Variants in RMST observed in about 807,000 individuals in gnomAD.
RMST encodes the protein rhabdomyosarcoma 2 associated transcript.
chr12:97,536,996 C>A (rs904455689), intron 11 of RMST, among the ~76,000 whole-genome samples: 3 of 151,224 alleles, frequency 2.0e-5, no homozygotes, highest in Non-Finnish European at 3.0e-5. Context: ...GGAAAAACAA[C>A]TTAGAGTCTT....
Position 97,525,854 on chromosome 12 carries a change from G to C in RMST, n.1341-4801G>C, listed in dbSNP as rs530158929. 5.9e-5 allele frequency among the ~76,000 whole-genome samples: 9 copies of C among 152,288 alleles called. 1 individual carries two copies. The South Asian group carries it at 1.9e-3, about 32-fold the overall frequency. ...GAAGCTTCATCTGTATTTACAGCCAGTCAAAATCACTTGCATTACAACCTG... is the reference window on the plus strand; with the variant it reads ...GAAGCTTCATCTGTATTTACAGCCACTCAAAATCACTTGCATTACAACCTG... On this transcript the variant is annotated intron_variant and non_coding_transcript_variant, in intron 10 of 13. Transcript: ENST00000640149.
intron 11 of RMST, among the ~76,000 whole-genome samples, chr12:97,556,833 T>G (rs995595349): frequency 2.6e-5 from 4 of 152,210 alleles, no homozygotes; most frequent in Non-Finnish European, 5.9e-5. Context: ...ATAAGATACT[T>G]GACTTTATAA....
chr12:97,514,184 C>G (rs1386830279), intron 10 of RMST, among the ~76,000 whole-genome samples: 1 of 152,152 alleles, frequency 6.6e-6, no homozygotes, highest in African/African-American at 2.4e-5. Flanking sequence ...CTCTGAAACA[C>G]CATTCTTGCT....
intron 11 of RMST, among the ~76,000 whole-genome samples, chr12:97,532,428 G>C (rs141482777): frequency 1.3e-5 from 2 of 151,848 alleles, no homozygotes; most frequent in Non-Finnish European, 2.9e-5. Flanking sequence ...ATAGAAATAA[G>C]TAGGTGAATA....
At chr12:97,479,631 A>T (rs550162630) in intron 5 of RMST, among the ~76,000 whole-genome samples, 35 of 151,672 alleles carry the variant, frequency 2.3e-4, no homozygotes, top group Non-Finnish European at 4.9e-4. Context: ...CCTGGCTTCC[A>T]CTGTACCATA....
chr12:97,524,074 T>TGAAAAAAAA (rs1880813700), intron 10 of RMST, among the ~76,000 whole-genome samples: 1 of 3,616 alleles, frequency 2.8e-4, no homozygotes, highest in African/African-American at 7.9e-4. Context: ...AGACTCTGTC[T>TGAAAAAAAA]CAAAAAAAAA....
In RMST at chr12:97,489,240, GT is replaced by G. The variant is rs1291842796; in HGVS notation, n.645-3218del. On this transcript the variant is annotated intron_variant and non_coding_transcript_variant, in intron 5 of 13. Coordinates refer to ENST00000640149, the Ensembl canonical transcript of RMST. ...GTGGGAAGATCGCTTGAGCTCAGGA[GT>G]TTGAGAGCAGCCTGGGCAACATAGC... 2.0e-5 allele frequency among the ~76,000 whole-genome samples: 3 copies of G among 152,236 alleles called. No homozygotes were observed. The East Asian group carries it at 5.8e-4, about 29-fold the overall frequency.
Position 97,506,924 on chromosome 12 carries a change from C to T in RMST, n.1340+10868C>T, listed in dbSNP as rs551339151. On this transcript the variant is annotated intron_variant and non_coding_transcript_variant, in intron 10 of 13. Coordinates refer to ENST00000640149, the Ensembl canonical transcript of RMST. ...GTCTTGAACTCCTGACCTCATGATC[C>T]GCCTACCTCAGCCTCCCAAAGTGCT... Among the ~76,000 whole-genome samples, 7 of 152,044 alleles carry T rather than the reference C, an allele frequency of 4.6e-5. No individual in the cohort carries two copies. The East Asian group carries it at 9.7e-4, about 21-fold the overall frequency.
At chr12:97,483,728 C>T (rs1875740965) in intron 5 of RMST, among the ~76,000 whole-genome samples, 1 of 152,122 alleles carries the variant, frequency 6.6e-6, no homozygotes, top group South Asian at 2.1e-4. Context: ...TACCTCCTCC[C>T]TCCCCAATTC....
chr12:97,562,145 G>T (rs1279634352), intron 13 of RMST, among the ~76,000 whole-genome samples: 4 of 152,152 alleles, frequency 2.6e-5, no homozygotes, highest in African/African-American at 9.7e-5. Context: ...GCAAGCATGT[G>T]CCTCGACACT....
chr12:97,513,098 C>A (rs1006464735), intron 10 of RMST, among the ~76,000 whole-genome samples: 1 of 152,198 alleles, frequency 6.6e-6, no homozygotes, highest in Non-Finnish European at 1.5e-5. Context: ...GCGCGCAGCC[C>A]GGGTTCCCAC....
chr12:97,538,005 C>T (rs1437601319), intron 11 of RMST, among the ~76,000 whole-genome samples: 1 of 151,360 alleles, frequency 6.6e-6, no homozygotes, highest in East Asian at 1.9e-4. Context: ...TATCCACCTA[C>T]CATCCCAAAG....
At chr12:97,507,256 TG>T (rs1319815691) in intron 10 of RMST, among the ~76,000 whole-genome samples, 24 of 143,516 alleles carry the variant, frequency 1.7e-4, no homozygotes, top group Non-Finnish European at 2.5e-4. Context: ...GGGTTGTTAT[TG>T]TTTTTTTTTT....
rs545179633 is a variant in RMST at position 97,552,625 on chromosome 12, G to A, written n.1546-7912G>A. ...TGAGGAATTTGCACTCCAGGTTTAA[G>A]TTTGTTTTGTGTACCAGCCTCCTCT... On this transcript the variant is annotated intron_variant and non_coding_transcript_variant, in intron 11 of 13. Transcript: ENST00000640149. Among the ~76,000 whole-genome samples the A allele has an allele frequency of 3.3e-5, 5 of 152,306 alleles. No homozygotes were observed. In the East Asian group the frequency reaches 9.6e-4, roughly 29 times the overall value.
intron 10 of RMST, among the ~76,000 whole-genome samples, chr12:97,523,815 T>C (rs12369705): frequency 0.099 from 15,051 of 152,070 alleles, 928 homozygotes; most frequent in East Asian, 0.25. Flanking sequence ...CAGTGGCTCA[T>C]GCCTGCAATC....
intron 10 of RMST, among the ~76,000 whole-genome samples, chr12:97,519,740 C>T (rs1000179170): frequency 2.0e-5 from 3 of 152,172 alleles, no homozygotes; most frequent in Non-Finnish European, 4.4e-5. Flanking sequence ...CTCACAGGCA[C>T]AGAATCCTAA....
intron 5 of RMST, among the ~76,000 whole-genome samples, chr12:97,468,689 A>G (rs1456667453): frequency 6.6e-6 from 1 of 152,038 alleles, no homozygotes. Flanking sequence ...CACGATCTCA[A>G]GTGTTTTAAT....
intron 10 of RMST, among the ~76,000 whole-genome samples, chr12:97,520,809 T>A (rs1462334783): frequency 6.6e-6 from 1 of 152,166 alleles, no homozygotes; most frequent in African/African-American, 2.4e-5. Context: ...TAATATCTTT[T>A]TAATAGACCA....
chr12:97,475,981 T>C (rs1201050691), intron 5 of RMST, among the ~76,000 whole-genome samples: 3 of 152,190 alleles, frequency 2.0e-5, no homozygotes, highest in Non-Finnish European at 4.4e-5. Flanking sequence ...TTTAAGTGGC[T>C]GTGGAGGACT....
Sources: allele counts gnomAD v4.1 joint callset (sites outside exome capture counted in the v4.1 genomes callset), GRCh38; gene constraint gnomAD v4.1.1; transcripts MANE v1.5; gene names NCBI Gene and HGNC (gene_info 2026-07-23, HGNC 2026-07-21).